The following PTPRT variants were observed in gnomAD, a reference collection of about 807,000 sequenced individuals.
PTPRT encodes the protein receptor-type tyrosine-protein phosphatase T.
A neutral mutation model predicts 176.8 loss-of-function variants in PTPRT; 56 were observed. That is an observed-to-expected ratio of 0.32 (90% CI 0.26 to 0.40). The LOEUF (loss-of-function observed/expected upper bound fraction) is 0.40, where lower values mean the gene tolerates loss of function less well. Among genes scored for constraint, PTPRT ranks in the 10% least tolerant of loss-of-function variants. PTPRT has a pLI of 1.00. For missense variants in PTPRT, 1,540 were observed against 1,908.2 expected, an observed-to-expected ratio of 0.81 and a Z score of 3.60; for synonymous variants, 783 against 739.0, an observed-to-expected ratio of 1.06 and a Z score of -0.96.
chr20:42,040,605 T>C, the PTPRT span, among the ~76,000 whole-genome samples: 1 of 152,218 alleles, frequency 6.6e-6, no homozygotes, highest in Non-Finnish European at 1.5e-5. Flanking sequence ...CAAGATATTT[T>C]AAGAAATGAG....
chr20:42,271,012 C>T (rs1385402731), intron 13 of PTPRT, among the ~76,000 whole-genome samples: 3 of 152,192 alleles, frequency 2.0e-5, no homozygotes, highest in African/African-American at 4.8e-5. Flanking sequence ...ATTTAAGCAG[C>T]CTGTCGTCTG....
At chr20:42,779,181 G>T (rs543061106) in intron 4 of PTPRT, among the ~76,000 whole-genome samples, 3 of 152,340 alleles carry the variant, frequency 2.0e-5, no homozygotes, top group Admixed American at 2.0e-4. Flanking sequence ...AGCAGAAGTG[G>T]AAAGAGTTAT....
At chr20:42,694,363 T>C (rs998011793) in intron 6 of PTPRT, among the ~76,000 whole-genome samples, 1 of 152,154 alleles carries the variant, frequency 6.6e-6, no homozygotes, top group Non-Finnish European at 1.5e-5. Flanking sequence ...TGTGCACGGA[T>C]AGTTCATTTA....
At chr20:42,420,789 C>T (rs981648993) in intron 9 of PTPRT, among the ~76,000 whole-genome samples, 1 of 152,188 alleles carries the variant, frequency 6.6e-6, no homozygotes, top group Non-Finnish European at 1.5e-5. Context: ...CTAGGACCAA[C>T]CCCCGCCAAG....
chr20:43,072,569 A>AT (rs1231196649), intron 1 of PTPRT, among the ~76,000 whole-genome samples: 1 of 152,130 alleles, frequency 6.6e-6, no homozygotes, highest in East Asian at 1.9e-4. Context: ...AGAAAAAAAA[A>AT]CTCATTTCCA....
At chr20:42,268,570 A>G (rs963767046) in intron 13 of PTPRT, among the ~76,000 whole-genome samples, 3 of 152,214 alleles carry the variant, frequency 2.0e-5, no homozygotes, top group African/African-American at 7.2e-5. Flanking sequence ...AGGGCTGGGG[A>G]CTGATTTCAG....
intron 1 of PTPRT, among the ~76,000 whole-genome samples, chr20:42,953,130 C>T (rs1253287077): frequency 2.6e-5 from 4 of 152,176 alleles, no homozygotes; most frequent in Non-Finnish European, 5.9e-5. Flanking sequence ...AAAGGAAGTT[C>T]TGAGGGTGGA....
chr20:43,087,251 T>C (rs1340200543), intron 1 of PTPRT, among the ~76,000 whole-genome samples: 2 of 152,144 alleles, frequency 1.3e-5, no homozygotes, highest in Admixed American at 1.3e-4. Flanking sequence ...TTAAGAGCTA[T>C]CCATGTCATT....
chr20:43,185,867 G>T (rs2015376708), intron 1 of PTPRT, among the ~76,000 whole-genome samples: 4 of 152,134 alleles, frequency 2.6e-5, no homozygotes, highest in African/African-American at 2.4e-5. Flanking sequence ...AGGAGGCAGA[G>T]GTTGCGGTGA....
intron 13 of PTPRT, among the ~76,000 whole-genome samples, chr20:42,276,499 A>ATATG (rs2057033327): frequency 3.5e-4 from 1 of 2,832 alleles, no homozygotes; most frequent in Non-Finnish European, 6.5e-4. Flanking sequence ...AGAAGGAAAT[A>ATATG]TATATATATA....
chr20:43,144,666 T>C (rs570877043), intron 1 of PTPRT, among the ~76,000 whole-genome samples: 14 of 152,160 alleles, frequency 9.2e-5, no homozygotes, highest in African/African-American at 2.6e-4. Context: ...GGGCTGGAGG[T>C]AGGGTGATAC....
At chr20:42,542,824 A>G (rs1043288373) in intron 7 of PTPRT, among the ~76,000 whole-genome samples, 4 of 152,218 alleles carry the variant, frequency 2.6e-5, no homozygotes, top group Non-Finnish European at 5.9e-5. Context: ...TCTTTATGTA[A>G]TCAAGTGACT....
intron 7 of PTPRT, among the ~76,000 whole-genome samples, chr20:42,648,998 T>G (rs1260496340): frequency 6.6e-6 from 1 of 151,842 alleles, no homozygotes; most frequent in Non-Finnish European, 1.5e-5. Context: ...TTTTCTATTT[T>G]TTAGTAGAGA....
chr20:42,417,045 C>G (rs569160266), intron 9 of PTPRT, among the ~76,000 whole-genome samples: 1 of 152,232 alleles, frequency 6.6e-6, no homozygotes, highest in African/African-American at 2.4e-5. Flanking sequence ...TACAGTTTCT[C>G]ACAGGGTGCA....
chr20:42,870,954 C>CTTT lies in PTPRT; in HGVS notation c.214+14850_214+14852dup, dbSNP rs61532865. Among the ~76,000 whole-genome samples the CTTT allele has an allele frequency of 6.7e-3, 940 of 140,416 alleles. 17 individuals are homozygous for CTTT. The highest frequency in any genetic ancestry group is 0.023 in the African/African-American group (878 of 38,418). The allele number at this position is 140,416 out of a possible 152,430, so 92.1% of individuals were successfully genotyped here. A position where few individuals can be genotyped will look rare whatever the true frequency, so the allele number is the denominator to read the frequency against. ...AGTGATGCTAAACATATTTTCTTTT[C>CTTT]TTTTTTTTTTTTTTGAGATAGAGGC... On this transcript the variant is annotated intron_variant, in intron 2 of 30. Transcript: ENST00000373187.
chr20:42,279,671 A>T (rs2057106094), intron 13 of PTPRT, among the ~76,000 whole-genome samples: 1 of 152,234 alleles, frequency 6.6e-6, no homozygotes, highest in South Asian at 2.1e-4. Context: ...CATTACACAA[A>T]GGAAAGGGTT....
chr20:42,697,795 C>T (rs1418762111), intron 6 of PTPRT, among the ~76,000 whole-genome samples: 1 of 152,180 alleles, frequency 6.6e-6, no homozygotes, highest in Non-Finnish European at 1.5e-5. Flanking sequence ...TTGGCCTATT[C>T]AATGGGGCAC....
chr20:43,015,252 C>T (rs1183899163), intron 1 of PTPRT, among the ~76,000 whole-genome samples: 1 of 152,190 alleles, frequency 6.6e-6, no homozygotes, highest in African/African-American at 2.4e-5. Flanking sequence ...TGCCTCTCAC[C>T]AACTACAAGT....
At chr20:42,454,853 G>C (rs779724561) in intron 8 of PTPRT, among the ~76,000 whole-genome samples, 29 of 152,158 alleles carry the variant, frequency 1.9e-4, no homozygotes, top group Non-Finnish European at 3.4e-4. Flanking sequence ...ACTGAATAAT[G>C]CTTACTGCAA....
Sources: allele counts gnomAD v4.1 joint callset (sites outside exome capture counted in the v4.1 genomes callset), GRCh38; gene constraint gnomAD v4.1.1; transcripts MANE v1.5; gene names NCBI Gene and HGNC (gene_info 2026-07-23, HGNC 2026-07-21).